Variants in NUDC observed in about 807,000 individuals in gnomAD.
NUDC encodes nuclear migration protein nudC.
A neutral mutation model predicts 45.0 loss-of-function variants in NUDC; 14 were observed. That is an observed-to-expected ratio of 0.31 (90% CI 0.21 to 0.49). NUDC has a LOEUF of 0.49. Ranked by LOEUF, NUDC falls within the 20% of genes least tolerant of loss-of-function variation. The probability of loss-of-function intolerance (pLI) is 0.99; values close to 1 mark genes in which losing one functional copy is unlikely to be tolerated. For missense variants in NUDC, 323 were observed against 426.2 expected (o/e 0.76, Z 2.13); for synonymous variants, 153 against 156.7 (o/e 0.98, Z 0.17).
At chr1:26,929,048 G>A (rs999344220) in intron 2 of NUDC, among the ~76,000 whole-genome samples, 9 of 152,136 alleles carry the variant, frequency 5.9e-5, no homozygotes, top group Admixed American at 4.6e-4. Context: ...AAACAATGTG[G>A]TATAGACATA....
chr1:26,916,095 T>C (rs974562466), intron 3 of NUDC, among the ~76,000 whole-genome samples: 1 of 152,058 alleles, frequency 6.6e-6, no homozygotes, highest in Non-Finnish European at 1.5e-5. Context: ...TCTTTAAGAA[T>C]AGAATACACA....
At chr1:26,918,782 G>A (rs535796495), upstream of NUDC, among the ~76,000 whole-genome samples, 20 of 151,762 alleles carry the variant, frequency 1.3e-4, no homozygotes, top group African/African-American at 4.8e-4. Flanking sequence ...CACCATGTTA[G>A]GCAGGCTGGT....
chr1:26,900,320 G>A (rs756555990), exon 1 of NUDC: 2 of 1,614,066 alleles, frequency 1.2e-6, no homozygotes, highest in East Asian at 4.5e-5. Context: ...GGAAGCCACC[G>A]CCGCGCTCTT....
intron 3 of NUDC, among the ~76,000 whole-genome samples, chr1:26,914,550 C>G (rs563992749): frequency 1.1e-3 from 165 of 152,266 alleles, no homozygotes; most frequent in Non-Finnish European, 2.1e-3. Flanking sequence ...GAGGCCTCCT[C>G]CTCTGATTCC....
chr1:26,908,452 C>T (rs936960668), intron 2 of NUDC, among the ~76,000 whole-genome samples: 8 of 152,192 alleles, frequency 5.3e-5, no homozygotes, highest in South Asian at 2.1e-4. Flanking sequence ...AAATAGGGCA[C>T]GGGGAATGAC....
At chr1:26,920,443 T>A (rs914739952), upstream of NUDC, among the ~76,000 whole-genome samples, 13 of 151,576 alleles carry the variant, frequency 8.6e-5, no homozygotes, top group African/African-American at 3.2e-4. Context: ...ATCGTGTCAC[T>A]GCACTCCAGC....
intron 2 of NUDC, among the ~76,000 whole-genome samples, chr1:26,906,194 A>G (rs1299820391): frequency 6.6e-6 from 1 of 151,078 alleles, no homozygotes; most frequent in East Asian, 2.0e-4. Flanking sequence ...CAGGAGAATC[A>G]TTTGAATCTG....
Position 26,921,858 on chromosome 1 carries a change from G to A in NUDC, c.10G>A (p.Glu4Lys). Residue 4 changes from glutamate to lysine, a missense_variant, in exon 1 of 9, where the codon GAG (glutamate) becomes AAG (lysine). Physicochemically the swap from Glu to Lys is moderately conservative, Grantham distance 56. Coordinates refer to ENST00000321265, the MANE Select transcript of NUDC (RefSeq NM_006600.4). The part of the protein sequence containing the change: MGG[E>K]QEEERFDGML... ...GATCGGAGCCGGCGCGATGGGCGGA[G>A]AGCAGGAGGAGGAGCGGTTCGACGG... is the stretch of plus-strand genomic sequence containing the variant. The A allele has an allele frequency of 6.4e-7, 1 of 1,553,406 alleles. No homozygotes were observed. The highest frequency in any genetic ancestry group is 8.7e-7 in the Non-Finnish European group (1 of 1,148,514).
At chr1:26,905,995 T>C (rs2082001184) in intron 2 of NUDC, among the ~76,000 whole-genome samples, 1 of 151,756 alleles carries the variant, frequency 6.6e-6, no homozygotes, top group African/African-American at 2.4e-5. Context: ...AAAAAATACA[T>C]AAAAGGCCGA....
intron 2 of NUDC, among the ~76,000 whole-genome samples, chr1:26,941,230 A>G (rs2082273843): frequency 6.6e-6 from 1 of 151,832 alleles, no homozygotes; most frequent in Admixed American, 6.6e-5. Flanking sequence ...CGCCCGGCCA[A>G]GCATCACTTT....
upstream of NUDC, among the ~76,000 whole-genome samples, chr1:26,917,924 T>G (rs1251735033): frequency 6.6e-6 from 1 of 151,314 alleles, no homozygotes; most frequent in South Asian, 2.1e-4. Flanking sequence ...GAACTGTTCA[T>G]TGTTATGAGG....
intron 2 of NUDC, among the ~76,000 whole-genome samples, chr1:26,930,822 G>T (rs1311773748): frequency 6.6e-6 from 1 of 151,644 alleles, no homozygotes; most frequent in Non-Finnish European, 1.5e-5. Context: ...TTTGAGACCA[G>T]CCTGGCCAAA....
intron 2 of NUDC, among the ~76,000 whole-genome samples, chr1:26,935,436 C>G (rs540849584): frequency 1.3e-4 from 20 of 152,216 alleles, no homozygotes; most frequent in African/African-American, 4.1e-4. Flanking sequence ...AGGAAACTTA[C>G]AGTCAGGGTG....
chr1:26,923,623 C>A (rs1316425865), intron 1 of NUDC, among the ~76,000 whole-genome samples: 2 of 152,080 alleles, frequency 1.3e-5, no homozygotes, highest in Non-Finnish European at 2.9e-5. Context: ...GTGCCCACCA[C>A]CTGTAATCTA....
At chr1:26,924,702 C>T (rs1194397242) in intron 2 of NUDC, among the ~76,000 whole-genome samples, 15 of 151,824 alleles carry the variant, frequency 9.9e-5, no homozygotes, top group Admixed American at 2.6e-4. Context: ...TACAGGCGCC[C>T]GCCACCACAC....
At position 26,934,501 on chromosome 1, in the gene NUDC, CA is replaced by C. The variant is rs1321450503; in HGVS notation, c.160-6952del. Among the ~76,000 whole-genome samples the C allele has an allele frequency of 2.0e-5, 3 of 152,242 alleles. No homozygotes were observed. The East Asian group carries it at 5.8e-4, about 29-fold the overall frequency. ...CGCCAAATCTCATGTCTTCACATTT[CA>C]AAACACAATCATGCCCTTCCAACAG... is the stretch of plus-strand genomic sequence containing the variant. On this transcript the variant is annotated intron_variant, in intron 2 of 8. Transcript: ENST00000321265.
intron 2 of NUDC, 81 bp downstream of exon 2, chr1:26,924,247 A>G: frequency 1.7e-6 from 2 of 1,210,818 alleles, no homozygotes; most frequent in South Asian, 2.4e-5. Flanking sequence ...TTGGCATAAT[A>G]GTAACTTTCA....
chr1:26,937,663 G>GT (rs1051555345), intron 2 of NUDC, among the ~76,000 whole-genome samples: 1 of 151,662 alleles, frequency 6.6e-6, no homozygotes, highest in Non-Finnish European at 1.5e-5. Flanking sequence ...TTATTTGTTT[G>GT]TTTTTTTGAG....
At chr1:26,908,302 C>T (rs1301516081) in intron 2 of NUDC, among the ~76,000 whole-genome samples, 1 of 152,182 alleles carries the variant, frequency 6.6e-6, no homozygotes, top group African/African-American at 2.4e-5. Flanking sequence ...ACCCAGGATG[C>T]TGATCATGGA....
Sources: gnomAD v4.1 joint callset for allele counts (sites outside exome capture counted in the v4.1 genomes callset) on GRCh38, gnomAD v4.1.1 for gene constraint, MANE v1.5 for transcripts, NCBI Gene and HGNC (gene_info 2026-07-23, HGNC 2026-07-21) for gene names.